Variants in SUPT6H observed in about 807,000 individuals in gnomAD.
The protein encoded by SUPT6H is SPT6 homolog, histone chaperone and transcription elongation factor.
In SUPT6H, 11 loss-of-function variants were observed where a neutral mutation model predicts 222.3. The observed-to-expected ratio is 0.05, with a 90% CI of 0.03 to 0.08. SUPT6H has a LOEUF of 0.08. Ranked by LOEUF, SUPT6H falls within the 10% of genes least tolerant of loss-of-function variation. The pLI is 1.00. For missense variants in SUPT6H, 1,422 were observed against 2,216.0 expected (o/e 0.64, Z 7.19); for synonymous variants, 762 against 801.2 (o/e 0.95, Z 0.83).
At position 28,663,828 on chromosome 17, in the gene SUPT6H, A is replaced by ATTTT. The variant is rs71135839; in HGVS notation, c.-32+1500_-32+1503dup. On this transcript the variant is annotated intron_variant, in intron 1 of 36. Coordinates refer to ENST00000314616, the MANE Select transcript of SUPT6H (RefSeq NM_003170.5). Reference sequence around the variant, plus strand: ...ATCTGGCTTCTCTTCTGCCCACTCCATTTTTTTTTTTTTTTTTGTGGAGAC... The same window carrying ATTTT: ...ATCTGGCTTCTCTTCTGCCCACTCCATTTTTTTTTTTTTTTTTTTTTGTGGAGAC... 1.3e-3 allele frequency among the ~76,000 whole-genome samples: 48 copies of ATTTT among 38,398 alleles called. 17 individuals are homozygous for ATTTT. The highest frequency in any genetic ancestry group is 3.8e-3 in the Admixed American group (10 of 2,662). 25.2% of individuals were successfully genotyped at this position (38,398 alleles called of 152,430 possible). A position where few individuals can be genotyped will look rare whatever the true frequency, so the allele number is the denominator to read the frequency against.
chr17:28,696,758 A>C, intron 29 of SUPT6H, 86 bp from the exon 30 acceptor site: 2 of 1,253,394 alleles, frequency 1.6e-6, no homozygotes, highest in Non-Finnish European at 2.3e-6. Flanking sequence ...TCAATAAATA[A>C]ATAAGAAATG....
chr17:28,696,978 G>A lies in SUPT6H; in HGVS notation c.4105G>A (p.Val1369Met), dbSNP rs2031950960. 4.3e-6 allele frequency: 7 copies of A among 1,613,996 alleles called. No individual in the cohort carries two copies. Among genetic ancestry groups the A allele is most frequent in the Non-Finnish European group, 5.9e-6 (7 of 1,180,050 alleles). Reference protein sequence around the residue: ...PSSKGENHLTVTWKVSDGIYQ... With the variant: ...PSSKGENHLTMTWKVSDGIYQ... ...CAGCAAGGGCGAGAACCACCTGACA[G>A]TGACCTGGAAAGTCAGTGATGGCAT... Residue 1369 changes from valine to methionine, a missense_variant, in exon 30 of 37, where the codon GTG becomes ATG. Val to Met is a conservative substitution (Grantham distance 21, BLOSUM62 1). Around this residue, in one of 13 missense-constraint regions of SUPT6H, gnomAD observed 395 missense variants for 580.6 expected, o/e 0.68. Coordinates refer to ENST00000314616, the MANE Select transcript of SUPT6H (RefSeq NM_003170.5).
In SUPT6H at chr17:28,687,439, C is replaced by G. The variant is rs1180618854; in HGVS notation, c.2974C>G (p.Leu992Val). ...GGCCTTGATCCAGTATGTTTGTGGC[C>G]TGGGACCTCGGAAAGGGACCCACCT... The part of the protein sequence containing the change: ...SQALIQYVCG[L>V]GPRKGTHLLK... Residue 992 changes from leucine to valine, a missense_variant, in exon 23 of 37, where the codon CTG becomes GTG. Coordinates refer to ENST00000314616, the MANE Select transcript of SUPT6H (RefSeq NM_003170.5). 6.2e-7 allele frequency: 1 copy of G among 1,614,170 alleles called. No individual in the cohort carries two copies. The highest frequency in any genetic ancestry group is 8.5e-7 in the Non-Finnish European group (1 of 1,180,038).
At chr17:28,690,261 C>G (rs1473801658) in intron 26 of SUPT6H, 32 bp downstream of exon 26, 2 of 1,610,172 alleles carry the variant, frequency 1.2e-6, no homozygotes, top group East Asian at 4.5e-5. Flanking sequence ...TTATTGGGGG[C>G]AGGAGGTGTG....
intron 1 of SUPT6H, among the ~76,000 whole-genome samples, chr17:28,665,558 G>A (rs560581022): frequency 6.6e-6 from 1 of 152,266 alleles, no homozygotes; most frequent in Admixed American, 6.5e-5. Flanking sequence ...AGGAGCTCGA[G>A]CCCAGGCTGG....
At chr17:28,664,722 C>G (rs563788457) in intron 1 of SUPT6H, among the ~76,000 whole-genome samples, 44 of 152,266 alleles carry the variant, frequency 2.9e-4, no homozygotes, top group African/African-American at 1.0e-3. Flanking sequence ...TCTTAGGCAC[C>G]CAAAGCTAAC....
At chr17:28,666,636 C>CT (rs1368681438) in intron 1 of SUPT6H, among the ~76,000 whole-genome samples, 1 of 151,228 alleles carries the variant, frequency 6.6e-6, no homozygotes, top group Non-Finnish European at 1.5e-5. Context: ...ACTGCAAGCT[C>CT]TGACTCCCAC....
rs1239357339 is a variant in SUPT6H at position 28,701,694 on chromosome 17, C to T, written c.*69C>T. 1.0e-5 allele frequency: 15 copies of T among 1,471,680 alleles called. No homozygotes were observed. The highest frequency in any genetic ancestry group is 1.2e-5 in the Non-Finnish European group (13 of 1,087,178). 91.2% of individuals were successfully genotyped at this position (1,471,680 alleles called of 1,614,324 possible). A position where few individuals can be genotyped will look rare whatever the true frequency, so the allele number is the denominator to read the frequency against. On this transcript the variant is annotated 3_prime_UTR_variant, in exon 37 of 37. Transcript: ENST00000314616. ...GGCCTGGCTGCCCACTGCCTCCCTC[C>T]CTGCCCCTCCTTTTATGTCCATAAA...
At chr17:28,693,548 C>G (rs2031771252) in intron 27 of SUPT6H, 148 bp from the exon 28 acceptor site, 3 of 924,132 alleles carry the variant, frequency 3.2e-6, no homozygotes, top group African/African-American at 1.7e-5. Context: ...CAAATTCTGT[C>G]TTGGCAGATG....
At chr17:28,695,211 C>T (rs2031845858) in intron 28 of SUPT6H, 141 bp from the exon 29 acceptor site, 2 of 787,622 alleles carry the variant, frequency 2.5e-6, no homozygotes, top group East Asian at 2.7e-5. Context: ...CCCAGTCTGC[C>T]ATTCAGCAGC....
chr17:28,678,008 A>C (rs1301326091), intron 8 of SUPT6H, 68 bp from the exon 9 acceptor site: 1 of 1,489,342 alleles, frequency 6.7e-7, no homozygotes, highest in African/African-American at 1.4e-5. Flanking sequence ...TTTGTTATTA[A>C]GCAGTCTTGT....
At chr17:28,694,359 C>T (rs753586574) in intron 28 of SUPT6H, among the ~76,000 whole-genome samples, 1 of 152,222 alleles carries the variant, frequency 6.6e-6, no homozygotes, top group Non-Finnish European at 1.5e-5. Flanking sequence ...ATCATGCACC[C>T]ACTAGATACC....
rs769867540 is a variant in SUPT6H, at chr17:28,701,610, C to T, written c.5166C>T (p.Asp1722=). The change falls in exon 37 of 37, where the codon GAC becomes GAT. Residue 1722 remains aspartate, a synonymous_variant. Coordinates refer to ENST00000314616, the MANE Select transcript of SUPT6H (RefSeq NM_003170.5). ...SIAGDATPLL[D]EMDR ...CTGGCGATGCCACCCCACTCCTGGA[C>T]GAGATGGATCGGTAGGGGGCCTGCT... 24 of 1,610,104 alleles carry T rather than the reference C, an allele frequency of 1.5e-5. No individual in the cohort carries two copies. Among genetic ancestry groups the T allele is most frequent in the Admixed American group, 1.0e-4 (6 of 59,916 alleles).
chr17:28,667,379 A>G (rs1042391039), intron 1 of SUPT6H, among the ~76,000 whole-genome samples: 5 of 116,248 alleles, frequency 4.3e-5, no homozygotes, highest in Non-Finnish European at 7.0e-5. Flanking sequence ...TCAAAAAAAA[A>G]AAAAAAAAAA....
chr17:28,687,270 A>G (rs1017161893), intron 22 of SUPT6H, 34 bp from the exon 23 acceptor site: 1 of 1,614,174 alleles, frequency 6.2e-7, no homozygotes, highest in Non-Finnish European at 8.5e-7. Context: ...GGAAAGGCAG[A>G]GTAACCTTAC....
rs1166486229 is a variant in SUPT6H at position 28,677,739 on chromosome 17, G to A, written c.922G>A (p.Ala308Thr). 1 of 1,614,200 alleles carries A rather than the reference G, an allele frequency of 6.2e-7. No individual in the cohort carries two copies. Among genetic ancestry groups the A allele is most frequent in the African/African-American group, 1.3e-5 (1 of 75,050 alleles). Residue 308 changes from alanine (A) to threonine (T), a missense_variant, in exon 8 of 37, where the codon GCT becomes ACT. By Grantham distance (58) the Ala-to-Thr change is moderately conservative (BLOSUM62 0). This residue lies in a region of SUPT6H where 389 missense variants were observed against 544.6 expected (regional missense o/e 0.71). Coordinates refer to ENST00000314616, the MANE Select transcript of SUPT6H (RefSeq NM_003170.5). ...FQLRSIPVKGAEDDELEEEAD... is the reference protein window; with the variant it reads ...FQLRSIPVKGTEDDELEEEAD... ...GCTCCGCTCCATCCCAGTCAAGGGG[G>A]CTGAAGATGATGAACTAGAAGAAGA...
chr17:28,696,744 C>A, intron 29 of SUPT6H, 100 bp from the exon 30 acceptor site: 1 of 1,118,776 alleles, frequency 8.9e-7, no homozygotes. Flanking sequence ...CAGAGCACCC[C>A]AACTCAATAA....
intron 1 of SUPT6H, among the ~76,000 whole-genome samples, chr17:28,664,115 A>T (rs374957772): frequency 2.0e-5 from 3 of 151,906 alleles, no homozygotes; most frequent in East Asian, 3.9e-4. Flanking sequence ...CCAAACTTTC[A>T]TCTTGGCTTT....
chr17:28,677,545 C>T (rs1433054586), intron 7 of SUPT6H, among the ~76,000 whole-genome samples, 170 bp from the exon 8 acceptor site: 1 of 137,356 alleles, frequency 7.3e-6, no homozygotes, highest in African/African-American at 2.7e-5. Flanking sequence ...GACACCATCT[C>T]AAAAAAAAAA....
Sources: allele counts gnomAD v4.1 joint callset (sites outside exome capture counted in the v4.1 genomes callset), GRCh38; gene constraint gnomAD v4.1.1; regional missense constraint gnomAD v4.1.1; transcripts MANE v1.5; gene names NCBI Gene and HGNC (gene_info 2026-07-23, HGNC 2026-07-21).